CEP162: variants seen among roughly 807,000 people sequenced by gnomAD.
CEP162 encodes centrosomal protein of 162 kDa.
A neutral mutation model predicts 169.2 loss-of-function variants in CEP162; 141 were observed. The ratio of observed to expected loss-of-function variants is 0.83; its 90% confidence interval spans 0.73 to 0.96. The LOEUF is 0.96. CEP162 is among the 40% of genes least tolerant of loss of function. The pLI is 0.00. For missense variants in CEP162, 1,600 were observed against 1,587.2 expected (o/e 1.01, Z -0.14); for synonymous variants, 540 against 526.4 (o/e 1.03, Z -0.35).
At chr6:84,222,036 G>A (rs2099553920) in intron 2 of CEP162, among the ~76,000 whole-genome samples, 1 of 150,868 alleles carries the variant, frequency 6.6e-6, no homozygotes, top group South Asian at 2.1e-4. Flanking sequence ...GAAAAAATGA[G>A]CATTCTACTC....
intron 6 of CEP162, among the ~76,000 whole-genome samples, chr6:84,209,500 G>C (rs1017800960): frequency 6.6e-6 from 1 of 151,600 alleles, no homozygotes; most frequent in African/African-American, 2.4e-5. Context: ...TCAGCCTCCT[G>C]AGTAGCTGGG....
intron 20 of CEP162, among the ~76,000 whole-genome samples, chr6:84,161,495 G>C (rs1048930533): frequency 1.3e-5 from 2 of 152,140 alleles, no homozygotes. Context: ...AGGGGAGTGT[G>C]GTACCTGATG....
chr6:84,162,940 G>T (rs781193404), intron 19 of CEP162, among the ~76,000 whole-genome samples: 1 of 152,056 alleles, frequency 6.6e-6, no homozygotes, highest in Non-Finnish European at 1.5e-5. Flanking sequence ...AATAATTCTT[G>T]ATTTTCTCTT....
In CEP162 at chr6:84,214,123, C is replaced by CA. The variant is rs1422885028; in HGVS notation, c.504-1100dup. 3.3e-5 allele frequency among the ~76,000 whole-genome samples: 5 copies of CA among 152,036 alleles called. No individual in the cohort carries two copies. In the East Asian group the frequency reaches 7.7e-4, roughly 23 times the overall value. Reference sequence around the variant, plus strand: ...GAAACCCCTTCTCTACTAAAAAATACAAAAAATTAGCCAGGCGTGGTGGCA... The same window carrying CA: ...GAAACCCCTTCTCTACTAAAAAATACAAAAAAATTAGCCAGGCGTGGTGGCA... On this transcript the variant is annotated intron_variant, in intron 5 of 26. Coordinates refer to ENST00000403245, the MANE Select transcript of CEP162 (RefSeq NM_014895.4).
intron 15 of CEP162, among the ~76,000 whole-genome samples, 156 bp from the exon 16 acceptor site, chr6:84,174,344 G>C (rs1164865976): frequency 6.6e-6 from 1 of 152,174 alleles, no homozygotes; most frequent in Non-Finnish European, 1.5e-5. Flanking sequence ...GCAAAGTGCT[G>C]TTTTGTGCTG....
At chr6:84,139,294 C>G (rs1030024350) in intron 25 of CEP162, among the ~76,000 whole-genome samples, 1 of 152,116 alleles carries the variant, frequency 6.6e-6, no homozygotes, top group African/African-American at 2.4e-5. Context: ...AGCCTAAAAA[C>G]GACTTTCCTC....
At chr6:84,176,378 G>A (rs1006132447) in intron 13 of CEP162, among the ~76,000 whole-genome samples, 1 of 152,176 alleles carries the variant, frequency 6.6e-6, no homozygotes, top group African/African-American at 2.4e-5. Flanking sequence ...TTAGACCGAT[G>A]TAAGTTTTCT....
intron 5 of CEP162, 42 bp downstream of exon 5, chr6:84,215,240 T>C (rs746596072): frequency 1.1e-4 from 123 of 1,165,566 alleles, no homozygotes; most frequent in African/African-American, 2.4e-4. Context: ...TCCAAAAACA[T>C]AGAAATCATA....
chr6:84,151,315 T>C (rs2099521007), intron 23 of CEP162, among the ~76,000 whole-genome samples: 1 of 151,960 alleles, frequency 6.6e-6, no homozygotes, highest in Admixed American at 6.6e-5. Context: ...GAAAATTGTA[T>C]AATGGCAGCA....
intron 13 of CEP162, 137 bp downstream of exon 13, chr6:84,185,050 C>G: frequency 1.4e-6 from 1 of 719,862 alleles, no homozygotes; most frequent in Non-Finnish European, 2.3e-6. Context: ...TTTTCATCAC[C>G]TACACTGCCA....
chr6:84,140,004 A>AAAAG (rs1228782345), intron 25 of CEP162, among the ~76,000 whole-genome samples: 1 of 150,264 alleles, frequency 6.7e-6, no homozygotes, highest in Non-Finnish European at 1.5e-5. Context: ...CCCAGTAAGA[A>AAAAG]AAAGAAAGGA....
At chr6:84,185,582 A>G in intron 12 of CEP162, 134 bp from the exon 13 acceptor site, 1 of 711,736 alleles carries the variant, frequency 1.4e-6, no homozygotes, top group Non-Finnish European at 2.2e-6. Context: ...TACCATAGTT[A>G]AGTTCTTGAA....
At chr6:84,141,961 T>C (rs1261957465) in intron 25 of CEP162, among the ~76,000 whole-genome samples, 1 of 152,152 alleles carries the variant, frequency 6.6e-6, no homozygotes, top group African/African-American at 2.4e-5. Context: ...TGGAGAAAAC[T>C]TCCGTCCTTT....
chr6:84,188,951 T>C (rs1291206457), intron 11 of CEP162, among the ~76,000 whole-genome samples: 1 of 152,166 alleles, frequency 6.6e-6, no homozygotes, highest in Non-Finnish European at 1.5e-5. Context: ...GGCATCTCAT[T>C]GTGGTTTAAT....
At chr6:84,207,713 TA>T (rs575154690) in intron 6 of CEP162, among the ~76,000 whole-genome samples, 2 of 148,638 alleles carry the variant, frequency 1.3e-5, no homozygotes, top group Non-Finnish European at 3.0e-5. Context: ...ACTTAAAGTA[TA>T]AAAAAAAAAG....
rs1182876374 is a variant in CEP162, at chr6:84,126,433, T to G, written c.3950A>C (p.Lys1317Thr). The G allele has an allele frequency of 6.2e-7, 1 of 1,600,294 alleles. No homozygotes were observed. Residue 1317 changes from lysine to threonine, a missense_variant, in exon 26 of 27, where the codon AAG (lysine) becomes ACG (threonine). By Grantham distance (78) the Lys-to-Thr change is moderately conservative. Transcript: ENST00000403245. Reference sequence around the variant, plus strand: ...TCTCATTTCCATCTGCTTAATTTTCTTTTCTAAGCCCACGAAATGTTTCAT... The same window carrying G: ...TCTCATTTCCATCTGCTTAATTTTCGTTTCTAAGCCCACGAAATGTTTCAT... ...PEMKHFVGLE[K>T]KIKQMEMRHA...
At chr6:84,130,417 G>C (rs1275692406) in intron 25 of CEP162, among the ~76,000 whole-genome samples, 1 of 152,146 alleles carries the variant, frequency 6.6e-6, no homozygotes, top group Non-Finnish European at 1.5e-5. Flanking sequence ...GTGTGGAATA[G>C]TTTCAGAAGG....
chr6:84,156,636 A>G (rs1213378903), intron 21 of CEP162, among the ~76,000 whole-genome samples: 2 of 152,110 alleles, frequency 1.3e-5, no homozygotes, highest in Non-Finnish European at 2.9e-5. Context: ...AAATTAGTAA[A>G]ACCATTATGG....
At position 84,222,455 on chromosome 6, in the gene CEP162, T is replaced by A. The variant is rs80286732; in HGVS notation, c.58-1284A>T. On this transcript the variant is annotated intron_variant, in intron 2 of 26. Coordinates refer to ENST00000403245, the MANE Select transcript of CEP162 (RefSeq NM_014895.4). ...GACTCTGCTCTTGATCCTTTTTCAA[T>A]CTCATTCTACATTACTTTTTCTGGA... 3.0e-3 allele frequency among the ~76,000 whole-genome samples: 450 copies of A among 152,314 alleles called. 1 individual carries two copies. Among genetic ancestry groups the A allele is most frequent in the African/African-American group, 0.01 (419 of 41,568 alleles).
Sources: allele counts gnomAD v4.1 joint callset (sites outside exome capture counted in the v4.1 genomes callset), GRCh38; gene constraint gnomAD v4.1.1; transcripts MANE v1.5; gene names NCBI Gene and HGNC (gene_info 2026-07-23, HGNC 2026-07-21).